RUNX1T1: variants seen among roughly 807,000 people sequenced by gnomAD.
The protein encoded by RUNX1T1 is protein CBFA2T1.
Under a neutral mutation model 62.8 loss-of-function variants are expected in RUNX1T1, and 4 were observed. The ratio of observed to expected loss-of-function variants is 0.06; its 90% confidence interval spans 0.03 to 0.15. The LOEUF is 0.15. RUNX1T1 is among the 10% of genes least tolerant of loss of function. RUNX1T1 has a pLI of 1.00. For missense variants in RUNX1T1, 508 were observed against 754.3 expected, an observed-to-expected ratio of 0.67 and a Z score of 3.82; for synonymous variants, 291 against 286.0, an observed-to-expected ratio of 1.02 and a Z score of -0.18.
intron 1 of RUNX1T1, among the ~76,000 whole-genome samples, chr8:92,087,895 G>A (rs147390987): frequency 3.9e-5 from 6 of 152,022 alleles, no homozygotes; most frequent in South Asian, 2.1e-4. Flanking sequence ...CTGCTCTCTC[G>A]AGCCAACTCA....
intron 10 of RUNX1T1, among the ~76,000 whole-genome samples, chr8:91,961,128 T>C (rs1055806208): frequency 2.6e-5 from 4 of 152,224 alleles, no homozygotes; most frequent in Non-Finnish European, 4.4e-5. Context: ...GCTAGGACTG[T>C]GTTAAAACAA....
intron 2 of RUNX1T1, among the ~76,000 whole-genome samples, chr8:92,071,946 T>A (rs554589893): frequency 1.5e-4 from 23 of 152,166 alleles, no homozygotes; most frequent in Non-Finnish European, 2.9e-4. Flanking sequence ...TATAAAAACA[T>A]CCAGAGAAAG....
intron 1 of RUNX1T1, among the ~76,000 whole-genome samples, chr8:92,077,831 C>T (rs1834657886): frequency 6.6e-6 from 1 of 152,026 alleles, no homozygotes; most frequent in Admixed American, 6.6e-5. Context: ...AATATCAGAC[C>T]AATGTCTGGG....
intron 8 of RUNX1T1, among the ~76,000 whole-genome samples, chr8:91,982,852 T>C (rs1176992926): frequency 6.6e-6 from 1 of 151,472 alleles, no homozygotes; most frequent in Non-Finnish European, 1.5e-5. Context: ...CAGTGTATAC[T>C]CAGTGTTAAA....
intron 1 of RUNX1T1, among the ~76,000 whole-genome samples, chr8:92,058,853 A>G (rs539051344): frequency 6.6e-6 from 1 of 152,344 alleles, no homozygotes; most frequent in South Asian, 2.1e-4. Context: ...TTACTTTAAG[A>G]AATAAAAATA....
At chr8:92,032,093 C>CAAAAAAAAAAAA (rs59047751) in intron 1 of RUNX1T1, among the ~76,000 whole-genome samples, 1 of 29,534 alleles carries the variant, frequency 3.4e-5, no homozygotes, top group Non-Finnish European at 5.5e-5. Context: ...AATCCTGTCT[C>CAAAAAAAAAAAA]AAAAAAAAAA....
chr8:92,080,493 G>A (rs1319018736), intron 1 of RUNX1T1, among the ~76,000 whole-genome samples: 1 of 152,244 alleles, frequency 6.6e-6, no homozygotes, highest in Non-Finnish European at 1.5e-5. Context: ...ACTGTGACTG[G>A]GAACTGCAGC....
intron 4 of RUNX1T1, among the ~76,000 whole-genome samples, chr8:92,009,321 T>C (rs1292998407): frequency 6.6e-6 from 1 of 152,220 alleles, no homozygotes; most frequent in Non-Finnish European, 1.5e-5. Context: ...AACAAGACTT[T>C]AATGCATATT....
At chr8:91,960,221 C>T (rs774902802) in exon 11 of RUNX1T1, 29 of 1,600,014 alleles carry the variant, frequency 1.8e-5, no homozygotes, top group Non-Finnish European at 2.4e-5. Context: ...TGTCTTTCCT[C>T]CGACAGTTCT....
intron 1 of RUNX1T1, among the ~76,000 whole-genome samples, chr8:92,048,526 T>A (rs1829761653): frequency 6.6e-6 from 1 of 152,090 alleles, no homozygotes; most frequent in African/African-American, 2.4e-5. Flanking sequence ...TTTTAAAAAA[T>A]TTTTAAATAT....
chr8:92,067,889 A>G (rs1833104932), upstream of RUNX1T1, among the ~76,000 whole-genome samples: 1 of 152,224 alleles, frequency 6.6e-6, no homozygotes, highest in South Asian at 2.1e-4. Context: ...TCAACGTCTA[A>G]TATTTTAAAA....
chr8:92,093,221 G>A (rs1837299353), intron 1 of RUNX1T1, among the ~76,000 whole-genome samples: 1 of 151,978 alleles, frequency 6.6e-6, no homozygotes, highest in Admixed American at 6.6e-5. Context: ...CTACTTGATG[G>A]CAACAATTGT....
At position 91,989,260 on chromosome 8, in the gene RUNX1T1, T is replaced by G. The variant is rs79650887; in HGVS notation, c.911-2288A>C. Among the ~76,000 whole-genome samples, 416 of 152,308 alleles carry G rather than the reference T, an allele frequency of 2.7e-3. 2 individuals are homozygous for G. Among genetic ancestry groups the G allele is most frequent in the African/African-American group, 9.8e-3 (409 of 41,574 alleles). ...TAAATCGTACCAGACTAAGTATATC[T>G]TTATGACAATTTTTATATTCTCAAA... On this transcript the variant is annotated intron_variant, in intron 6 of 10. Coordinates refer to ENST00000396218, the Ensembl canonical transcript of RUNX1T1.
At chr8:92,019,003 T>G (rs1325967887) in intron 1 of RUNX1T1, 1 of 152,160 alleles carries the variant, frequency 6.6e-6, no homozygotes, top group Non-Finnish European at 1.5e-5. Context: ...CACCTTTATC[T>G]ATTGTTAAAA....
At chr8:92,101,249 G>A (rs961948153), upstream of RUNX1T1, among the ~76,000 whole-genome samples, 3 of 152,230 alleles carry the variant, frequency 2.0e-5, no homozygotes, top group African/African-American at 7.2e-5. Context: ...CCTTTATCAG[G>A]AGATAAATCA....
upstream of RUNX1T1, chr8:92,103,340 C>T (rs1563956777): frequency 5.4e-6 from 1 of 186,874 alleles, no homozygotes; most frequent in Non-Finnish European, 1.1e-5. Flanking sequence ...GGGCGTCCGC[C>T]GGGGAGCAGG....
chr8:92,087,324 G>A (rs1298272045), intron 1 of RUNX1T1, among the ~76,000 whole-genome samples: 2 of 152,022 alleles, frequency 1.3e-5, no homozygotes, highest in Admixed American at 1.3e-4. Flanking sequence ...CAACACCCAA[G>A]GGCCCTTTTT....
chr8:92,017,326 A>G (rs1207940429), exon 2 of RUNX1T1: 2 of 1,614,042 alleles, frequency 1.2e-6, no homozygotes, highest in Non-Finnish European at 1.7e-6. Flanking sequence ...TCACATCCAC[A>G]GGTGAGTCTG....
chr8:92,084,125 A>G (rs1835716373), intron 1 of RUNX1T1, among the ~76,000 whole-genome samples: 1 of 152,096 alleles, frequency 6.6e-6, no homozygotes, highest in African/African-American at 2.4e-5. Context: ...GAGGGACAGC[A>G]TTAGGAGAAA....
Sources: gnomAD v4.1 joint callset for allele counts (sites outside exome capture counted in the v4.1 genomes callset) on GRCh38, gnomAD v4.1.1 for gene constraint, MANE v1.5 for transcripts, NCBI Gene and HGNC (gene_info 2026-07-23, HGNC 2026-07-21) for gene names.